INPP5A: variants seen among roughly 807,000 people sequenced by gnomAD.
INPP5A encodes the protein 43 kDa inositol polyphosphate 5-phophatase.
In INPP5A, 14 loss-of-function variants were observed where a neutral mutation model predicts 65.2. That is an observed-to-expected ratio of 0.21 (90% CI 0.14 to 0.34). The LOEUF (loss-of-function observed/expected upper bound fraction) is 0.34. Among genes scored for constraint, INPP5A ranks in the 10% least tolerant of loss-of-function variants. The pLI is 1.00. For missense variants in INPP5A, 431 were observed against 545.6 expected, an observed-to-expected ratio of 0.79 and a Z score of 2.09; for synonymous variants, 207 against 208.3, an observed-to-expected ratio of 0.99 and a Z score of 0.05.
At chr10:132,581,089 G>A (rs748630528) in intron 1 of INPP5A, among the ~76,000 whole-genome samples, 20 of 152,178 alleles carry the variant, frequency 1.3e-4, no homozygotes, top group East Asian at 1.9e-4. Context: ...ACGTAGCTTC[G>A]CCTGTCGGAG....
intron 2 of INPP5A, among the ~76,000 whole-genome samples, chr10:132,628,594 T>C (rs550548825): frequency 1.3e-5 from 2 of 152,220 alleles, no homozygotes; most frequent in African/African-American, 4.8e-5. Context: ...GACTGATGGA[T>C]TCGAGTAAAT....
At chr10:132,670,927 C>T (rs12266208) in intron 4 of INPP5A, among the ~76,000 whole-genome samples, 2,729 of 148,520 alleles carry the variant, frequency 0.018, 81 homozygotes, top group African/African-American at 0.063. Context: ...AAACTGCAAA[C>T]GGCGGTGACG....
rs752021781 is a variant in INPP5A at position 132,697,665 on chromosome 10, G to C, written c.371-151G>C. On this transcript the variant is annotated intron_variant, in intron 5 of 15. Coordinates refer to ENST00000368594, the MANE Select transcript of INPP5A (RefSeq NM_005539.5). The surrounding 1 kb of genome is among the most constrained non-coding windows in gnomAD (Gnocchi z 5.6). ...GGAGTAGCCGGCCCGCTGGGGGTCT[G>C]TTCTGGGTCGGACCCCTCATCAGGG... 3 of 615,128 alleles carry C rather than the reference G, an allele frequency of 4.9e-6. No individual in the cohort carries two copies. The highest frequency in any genetic ancestry group is 3.8e-5 in the South Asian group (2 of 53,312). The allele number at this position is 615,128 out of a possible 1,614,324, so 38.1% of individuals were successfully genotyped here. A position where few individuals can be genotyped will look rare whatever the true frequency, so the allele number is the denominator to read the frequency against.
chr10:132,687,081 A>AT (rs1845147478), intron 4 of INPP5A, among the ~76,000 whole-genome samples: 1 of 152,208 alleles, frequency 6.6e-6, no homozygotes, highest in African/African-American at 2.4e-5. Context: ...AGTAGCTGGG[A>AT]TTACAGGCTC....
At chr10:132,761,380 C>G (rs1846730033) in intron 11 of INPP5A, among the ~76,000 whole-genome samples, 1 of 152,254 alleles carries the variant, frequency 6.6e-6, no homozygotes, top group South Asian at 2.1e-4. Flanking sequence ...GGTGCCTGCT[C>G]TGAGCCAGGC....
At chr10:132,617,008 G>A (rs1473750654) in intron 2 of INPP5A, among the ~76,000 whole-genome samples, 1 of 152,108 alleles carries the variant, frequency 6.6e-6, no homozygotes, top group Non-Finnish European at 1.5e-5. Flanking sequence ...GTCAGATGCA[G>A]GCCGCTTCTG....
At chr10:132,641,904 C>T (rs888748254) in intron 2 of INPP5A, among the ~76,000 whole-genome samples, 1 of 152,238 alleles carries the variant, frequency 6.6e-6, no homozygotes, top group African/African-American at 2.4e-5. Context: ...GTTTCTGAAG[C>T]GTCCTCTCAC....
chr10:132,718,547 C>T (rs1183686290), intron 8 of INPP5A, among the ~76,000 whole-genome samples: 1 of 149,722 alleles, frequency 6.7e-6, no homozygotes, highest in East Asian at 2.0e-4. Context: ...GTCTGGGCAC[C>T]TTAGACGACT....
intron 1 of INPP5A, among the ~76,000 whole-genome samples, chr10:132,562,740 G>A (rs2071222347): frequency 6.6e-6 from 1 of 152,252 alleles, no homozygotes; most frequent in Non-Finnish European, 1.5e-5. Context: ...TCATCTCGAG[G>A]GTGAATTAAA....
rs1276227598 is a variant in INPP5A, at chr10:132,555,481, T to C, written c.75+17310T>C. ...GGCCACGCTGGGAGGATGAGGAGCTTGAAGTGACTCAGGGGACCTGGCGCC... is the reference window on the plus strand; with the variant it reads ...GGCCACGCTGGGAGGATGAGGAGCTCGAAGTGACTCAGGGGACCTGGCGCC... On this transcript the variant is annotated intron_variant, in intron 1 of 15. Transcript: ENST00000368594. This position sits in a 1 kb window ranked among gnomAD's most constrained non-coding sequence, Gnocchi z 4.4. 6.6e-6 allele frequency among the ~76,000 whole-genome samples: 1 copy of C among 151,890 alleles called. No homozygotes were observed. Among genetic ancestry groups the C allele is most frequent in the Non-Finnish European group, 1.5e-5 (1 of 67,954 alleles).
Position 132,634,503 on chromosome 10 carries a change from G to T in INPP5A, c.118-11365G>T, listed in dbSNP as rs145368620. Among the ~76,000 whole-genome samples the T allele has an allele frequency of 2.2e-3, 331 of 152,376 alleles. 4 individuals are homozygous for T. The highest frequency in any genetic ancestry group is 3.4e-3 in the Middle Eastern group (1 of 294). On this transcript the variant is annotated intron_variant, in intron 2 of 15. Transcript: ENST00000368594. Reference sequence around the variant, plus strand: ...CTGCAGGTGTCAGATGTGGTTTTCTGTCGTGCCAAGTGGACCACGGAGCTT... The same window carrying T: ...CTGCAGGTGTCAGATGTGGTTTTCTTTCGTGCCAAGTGGACCACGGAGCTT...
intron 11 of INPP5A, among the ~76,000 whole-genome samples, chr10:132,757,735 C>G (rs963743924): frequency 7.5e-6 from 1 of 132,514 alleles, no homozygotes; most frequent in African/African-American, 2.6e-5. Context: ...GCGTGGGTCC[C>G]CGGCCGACCC....
At position 132,659,119 on chromosome 10, in the gene INPP5A, C is replaced by T. The variant is rs1009637221; in HGVS notation, c.306+8614C>T. Among the ~76,000 whole-genome samples the T allele has an allele frequency of 6.6e-6, 1 of 152,186 alleles. No individual in the cohort carries two copies. Among genetic ancestry groups the T allele is most frequent in the African/African-American group, 2.4e-5 (1 of 41,456 alleles). ...GGTGGGTCCCCAGCTCTGCAGGTGC[C>T]ACTCCCCACGCCAGTGTTCTCCAAA... On this transcript the variant is annotated intron_variant, in intron 4 of 15. Coordinates refer to ENST00000368594, the MANE Select transcript of INPP5A (RefSeq NM_005539.5). The surrounding 1 kb of genome is among the most constrained non-coding windows in gnomAD (Gnocchi z 5.5).
At chr10:132,631,209 C>T (rs1056206527) in intron 2 of INPP5A, among the ~76,000 whole-genome samples, 1 of 152,186 alleles carries the variant, frequency 6.6e-6, no homozygotes, top group Non-Finnish European at 1.5e-5. Flanking sequence ...AGAACAGGCC[C>T]CTGCCCACAC....
At chr10:132,638,666 T>G (rs941205966) in intron 2 of INPP5A, among the ~76,000 whole-genome samples, 2 of 152,188 alleles carry the variant, frequency 1.3e-5, no homozygotes, top group Admixed American at 6.5e-5. Flanking sequence ...CTCTTGGGCT[T>G]ATGTGATTCT....
At position 132,706,970 on chromosome 10, in the gene INPP5A, G is replaced by A. The variant is rs1184235628; in HGVS notation, c.475-1343G>A. Among the ~76,000 whole-genome samples, 2 of 152,218 alleles carry A rather than the reference G, an allele frequency of 1.3e-5. No individual in the cohort carries two copies. The highest frequency in any genetic ancestry group is 2.4e-5 in the African/African-American group (1 of 41,452). On this transcript the variant is annotated intron_variant, in intron 6 of 15. Transcript: ENST00000368594. The surrounding 1 kb of genome is among the most constrained non-coding windows in gnomAD (Gnocchi z 4.7). ...TGCAGAGAGCATTTGGGCAGCTGTT[G>A]TCTGGCACGTGCGCATACTGGAGGA...
In INPP5A at chr10:132,603,838, G is replaced by A. The variant is rs570114430; in HGVS notation, c.76-4077G>A. ...CTTGGTTCTGTACTGTGTGGACATGGTGTGGGTCACTGTGGTCTTTCCTTT... is the reference window on the plus strand; with the variant it reads ...CTTGGTTCTGTACTGTGTGGACATGATGTGGGTCACTGTGGTCTTTCCTTT... On this transcript the variant is annotated intron_variant, in intron 1 of 15. Transcript: ENST00000368594. This position sits in a 1 kb window ranked among gnomAD's most constrained non-coding sequence, Gnocchi z 4.2. 1.1e-4 allele frequency among the ~76,000 whole-genome samples: 17 copies of A among 152,232 alleles called. No homozygotes were observed. The South Asian group carries it at 3.1e-3, about 28-fold the overall frequency.
At chr10:132,666,188 T>C (rs147329713) in intron 4 of INPP5A, among the ~76,000 whole-genome samples, 153 of 152,288 alleles carry the variant, frequency 1.0e-3, no homozygotes, top group African/African-American at 3.5e-3. Flanking sequence ...AATGCATCAT[T>C]ACTTCCTCAC....
At chr10:132,610,725 G>A (rs1292513783) in intron 2 of INPP5A, among the ~76,000 whole-genome samples, 1 of 152,252 alleles carries the variant, frequency 6.6e-6, no homozygotes, top group Non-Finnish European at 1.5e-5. Context: ...CTGGGCCGTG[G>A]CAGCTTCTCT....
Sources: allele counts gnomAD v4.1 joint callset (sites outside exome capture counted in the v4.1 genomes callset), GRCh38; gene constraint gnomAD v4.1.1; non-coding constraint Gnocchi (gnomAD v3.1); transcripts MANE v1.5; gene names NCBI Gene and HGNC (gene_info 2026-07-23, HGNC 2026-07-21).